SLCO1A2: variants seen among roughly 807,000 people sequenced by gnomAD.
SLCO1A2 encodes solute carrier organic anion transporter family member 1A2, also known as OATP-1.
SLCO1A2 carries 67 observed loss-of-function variants against 69.0 expected under a neutral mutation model. The observed-to-expected ratio is 0.97, with a 90% CI of 0.80 to 1.19. The LOEUF (loss-of-function observed/expected upper bound fraction) is 1.19. SLCO1A2 is among the 50% of genes most tolerant of loss of function. SLCO1A2 has a pLI of 0.00. For missense variants in SLCO1A2, 787 were observed against 793.7 expected, an observed-to-expected ratio of 0.99 and a Z score of 0.10; for synonymous variants, 260 against 265.9, an observed-to-expected ratio of 0.98 and a Z score of 0.22.
At chr12:21,317,006 T>C (rs1015999276) in intron 3 of SLCO1A2, among the ~76,000 whole-genome samples, 13 of 152,328 alleles carry the variant, frequency 8.5e-5, no homozygotes, top group African/African-American at 2.4e-4. Flanking sequence ...AAAGTACAAA[T>C]ATTACTATAT....
intron 7 of SLCO1A2, among the ~76,000 whole-genome samples, 191 bp downstream of exon 7, chr12:21,300,980 A>C (rs1948642868): frequency 6.6e-6 from 1 of 152,158 alleles, no homozygotes; most frequent in Non-Finnish European, 1.5e-5. Context: ...TTAGCATTTT[A>C]TTTTGCACTA....
At chr12:21,396,429 C>A (rs1458871970), upstream of SLCO1A2, among the ~76,000 whole-genome samples, 3 of 148,070 alleles carry the variant, frequency 2.0e-5, no homozygotes, top group African/African-American at 7.5e-5. Context: ...GAGAATGGAA[C>A]CAAGTTGGAA....
chr12:21,289,979 T>C (rs1354952577), intron 12 of SLCO1A2, among the ~76,000 whole-genome samples: 1 of 151,976 alleles, frequency 6.6e-6, no homozygotes, highest in Non-Finnish European at 1.5e-5. Flanking sequence ...AAGTGTTCTG[T>C]TTGAATAGAG....
At chr12:21,418,479 A>G (rs942063160), upstream of SLCO1A2, among the ~76,000 whole-genome samples, 8 of 152,216 alleles carry the variant, frequency 5.3e-5, no homozygotes, top group African/African-American at 1.9e-4. Flanking sequence ...GGTTTAGTGA[A>G]TTCACAGTTA....
chr12:21,316,897 G>A (rs906264199), intron 3 of SLCO1A2, among the ~76,000 whole-genome samples: 1 of 152,128 alleles, frequency 6.6e-6, no homozygotes, highest in Admixed American at 6.5e-5. Flanking sequence ...AGAAGTTACA[G>A]ATATGTTCAG....
At chr12:21,366,450 C>T (rs544100841) in intron 2 of SLCO1A2, among the ~76,000 whole-genome samples, 2 of 152,080 alleles carry the variant, frequency 1.3e-5, no homozygotes, top group African/African-American at 4.8e-5. Context: ...ATGTAAATGA[C>T]GAGTTGACGG....
Position 21,269,790 on chromosome 12 carries a change from A to G in SLCO1A2, c.1794-23T>C, listed in dbSNP as rs757363548. 2.6e-6 allele frequency: 4 copies of G among 1,567,848 alleles called. No individual in the cohort carries two copies. In the Admixed American group the frequency reaches 7.0e-5, roughly 27 times the overall value. The stretch of plus-strand genomic sequence containing the variant: ...TATCTATTTTTTTAAAAGTTAAAAC[A>G]TATTAAATATTACATAGTGTGGTTA... On this transcript the variant is annotated intron_variant, in intron 14 of 14. Coordinates refer to ENST00000683939, the MANE Select transcript of SLCO1A2 (RefSeq NM_001386879.1).
At chr12:21,353,955 G>T (rs1938165208) in intron 2 of SLCO1A2, among the ~76,000 whole-genome samples, 2 of 152,142 alleles carry the variant, frequency 1.3e-5, no homozygotes, top group Admixed American at 1.3e-4. Context: ...GTGACAAATG[G>T]AGGTTAGATT....
At chr12:21,406,491 T>C (rs1320821196) in intron 1 of SLCO1A2, among the ~76,000 whole-genome samples, 1 of 152,210 alleles carries the variant, frequency 6.6e-6, no homozygotes, top group Non-Finnish European at 1.5e-5. Flanking sequence ...TTCATTTCTC[T>C]TGAGAAGCTT....
intron 2 of SLCO1A2, among the ~76,000 whole-genome samples, chr12:21,343,152 C>T (rs1953130928): frequency 6.6e-6 from 1 of 152,126 alleles, no homozygotes; most frequent in Non-Finnish European, 1.5e-5. Flanking sequence ...TGACCTGTTG[C>T]TTTGGGACTC....
Position 21,401,546 on chromosome 12 carries a change from A to G in SLCO1A2, c.-312+16336T>C, listed in dbSNP as rs565316962. On this transcript the variant is annotated intron_variant, in intron 1 of 4. Transcript: ENST00000413682. The stretch of plus-strand genomic sequence containing the variant: ...TTTCCTAAATAAGTATAAATATGTA[A>G]TGCAATTTTAATCATAATTTTATTG... Among the ~76,000 whole-genome samples the G allele has an allele frequency of 3.3e-5, 5 of 152,010 alleles. No homozygotes were observed. In the South Asian group the frequency reaches 1.0e-3, roughly 31 times the overall value.
At chr12:21,355,061 C>T (rs1938255343) in intron 2 of SLCO1A2, 1 of 152,092 alleles carries the variant, frequency 6.6e-6, no homozygotes, top group African/African-American at 2.4e-5. Flanking sequence ...CACTAAATCA[C>T]TACTATAAAA....
intron 4 of SLCO1A2, among the ~76,000 whole-genome samples, chr12:21,312,845 A>T (rs375615975): frequency 1.3e-5 from 2 of 152,240 alleles, no homozygotes. Context: ...AGTCTGAGGC[A>T]GGCGCATTGC....
At chr12:21,320,048 T>C (rs1227603634) in intron 2 of SLCO1A2, among the ~76,000 whole-genome samples, 1 of 152,154 alleles carries the variant, frequency 6.6e-6, no homozygotes, top group African/African-American at 2.4e-5. Flanking sequence ...TCACATGCCA[T>C]AGAGATTTTT....
chr12:21,381,092 T>C (rs1481057123), intron 1 of SLCO1A2, among the ~76,000 whole-genome samples: 1 of 151,822 alleles, frequency 6.6e-6, no homozygotes, highest in African/African-American at 2.4e-5. Flanking sequence ...ATGTACACTA[T>C]GAGAAAAAAT....
At chr12:21,340,615 A>G (rs1309898776) in intron 2 of SLCO1A2, among the ~76,000 whole-genome samples, 1 of 151,988 alleles carries the variant, frequency 6.6e-6, no homozygotes, top group Non-Finnish European at 1.5e-5. Flanking sequence ...GACCACATGG[A>G]AAGTCCTTCT....
intron 1 of SLCO1A2, among the ~76,000 whole-genome samples, chr12:21,378,053 A>G (rs1940333093): frequency 6.6e-6 from 1 of 152,200 alleles, no homozygotes; most frequent in Admixed American, 6.5e-5. Context: ...ATGATTTTCA[A>G]TTGTTATTTC....
intron 2 of SLCO1A2, among the ~76,000 whole-genome samples, chr12:21,368,597 CT>C (rs1939561705): frequency 6.6e-6 from 1 of 151,962 alleles, no homozygotes; most frequent in Non-Finnish European, 1.5e-5. Context: ...ATGTCCTTAT[CT>C]TTTATAGCAC....
At chr12:21,336,026 T>C (rs1028035934), upstream of SLCO1A2, among the ~76,000 whole-genome samples, 3 of 152,038 alleles carry the variant, frequency 2.0e-5, no homozygotes, top group African/African-American at 7.2e-5. Flanking sequence ...AACCAGACAG[T>C]GTAGAAGGAA....
Sources: allele counts gnomAD v4.1 joint callset (sites outside exome capture counted in the v4.1 genomes callset), GRCh38; gene constraint gnomAD v4.1.1; transcripts MANE v1.5; gene names NCBI Gene and HGNC (gene_info 2026-07-23, HGNC 2026-07-21).